Variants in SPHKAP observed in about 807,000 individuals in gnomAD.
The protein encoded by SPHKAP is A-kinase anchor protein SPHKAP.
Under a neutral mutation model 137.5 loss-of-function variants are expected in SPHKAP, and 67 were observed. That is an observed-to-expected ratio of 0.49 (90% CI 0.40 to 0.60). The LOEUF (loss-of-function observed/expected upper bound fraction) is 0.60, where lower values mean the gene tolerates loss of function less well. Among genes scored for constraint, SPHKAP ranks in the 20% least tolerant of loss-of-function variants. SPHKAP has a pLI of 0.00. For missense variants in SPHKAP, 2,097 were observed against 2,069.3 expected, an observed-to-expected ratio of 1.01 and a Z score of -0.26; for synonymous variants, 813 against 785.3, an observed-to-expected ratio of 1.04 and a Z score of -0.59.
chr2:228,017,113 G>A lies in SPHKAP; in HGVS notation c.3741C>T (p.Ser1247=), dbSNP rs1395270727. The change falls in exon 7 of 12, where the codon TCC becomes TCT. Residue 1247 remains serine (S), a synonymous_variant. Coordinates refer to ENST00000392056, the MANE Select transcript of SPHKAP (RefSeq NM_001142644.2). ...SSMPDSRSPC[S]RLTVNVPIKA... ...TGATGGGCACATTCACTGTCAGCCT[G>A]GAGCATGGGGATCTGCTGTCTGGCA... is the stretch of plus-strand genomic sequence containing the variant. The A allele has an allele frequency of 6.2e-7, 1 of 1,613,946 alleles. No homozygotes were observed. Among genetic ancestry groups the A allele is most frequent in the Non-Finnish European group, 8.5e-7 (1 of 1,180,036 alleles).
intron 1 of SPHKAP, among the ~76,000 whole-genome samples, chr2:228,149,642 G>A (rs1699871469): frequency 6.6e-6 from 1 of 152,086 alleles, no homozygotes; most frequent in Non-Finnish European, 1.5e-5. Context: ...TCTCTGGAAA[G>A]GTCTTGCATG....
chr2:227,985,324 G>A (rs1216677518), intron 11 of SPHKAP, among the ~76,000 whole-genome samples: 1 of 152,134 alleles, frequency 6.6e-6, no homozygotes, highest in African/African-American at 2.4e-5. Context: ...CATCTTTGGG[G>A]CTGATGAGCA....
intron 2 of SPHKAP, among the ~76,000 whole-genome samples, chr2:228,123,605 C>T (rs942407722): frequency 6.6e-6 from 1 of 152,168 alleles, no homozygotes; most frequent in African/African-American, 2.4e-5. Context: ...GAAAGTACTT[C>T]TTAGCTTCTC....
chr2:228,173,682 C>CG (rs1469960456), intron 1 of SPHKAP, among the ~76,000 whole-genome samples: 1 of 152,054 alleles, frequency 6.6e-6, no homozygotes, highest in African/African-American at 2.4e-5. Flanking sequence ...GCAGCCCTGG[C>CG]GGCACCTTGA....
chr2:228,081,797 G>A (rs1421158823), intron 3 of SPHKAP, among the ~76,000 whole-genome samples: 1 of 152,146 alleles, frequency 6.6e-6, no homozygotes, highest in African/African-American at 2.4e-5. Flanking sequence ...GAGAATGAGG[G>A]TGGGGTTGAG....
chr2:228,114,695 C>A (rs1034540855), intron 2 of SPHKAP, among the ~76,000 whole-genome samples: 1 of 152,032 alleles, frequency 6.6e-6, no homozygotes, highest in Non-Finnish European at 1.5e-5. Flanking sequence ...TCTGTTTCAT[C>A]GAACATTTTC....
chr2:228,061,193 A>C (rs1349479288), intron 3 of SPHKAP, among the ~76,000 whole-genome samples: 1 of 152,198 alleles, frequency 6.6e-6, no homozygotes, highest in Non-Finnish European at 1.5e-5. Context: ...TACGTGAGGG[A>C]TGGCAGGATC....
At chr2:228,031,636 C>T (rs928422890) in intron 3 of SPHKAP, among the ~76,000 whole-genome samples, 2 of 152,214 alleles carry the variant, frequency 1.3e-5, no homozygotes, top group Non-Finnish European at 2.9e-5. Context: ...CAGACTGACA[C>T]CTCACACGGC....
chr2:228,090,573 T>C (rs189776063), intron 3 of SPHKAP, among the ~76,000 whole-genome samples: 49 of 152,288 alleles, frequency 3.2e-4, no homozygotes, highest in African/African-American at 1.1e-3. Flanking sequence ...TGATATAGTT[T>C]GGATGTTTAT....
chr2:228,056,077 T>C (rs1377070955), intron 3 of SPHKAP, among the ~76,000 whole-genome samples: 1 of 152,248 alleles, frequency 6.6e-6, no homozygotes, highest in Non-Finnish European at 1.5e-5. Context: ...GACCTTCTCT[T>C]AAGTGCTATG....
Position 228,016,815 on chromosome 2 carries a change from A to C in SPHKAP, c.4039T>G (p.Cys1347Gly), listed in dbSNP as rs141269145. Residue 1347 changes from cysteine (C) to glycine (G), a missense_variant, in exon 7 of 12, where the codon TGT becomes GGT. Transcript: ENST00000392056. ...CTGCTCGCAGCTAATCTATTTGCAC[A>C]CTTCTCTGCTTGCGAGGGAGAGCCA... ...SGGSPSQAEK[C>G]ANRLAASRMC... 4 of 1,613,836 alleles carry C rather than the reference A, an allele frequency of 2.5e-6. No homozygotes were observed. The highest frequency in any genetic ancestry group is 2.2e-5 in the South Asian group (2 of 91,070).
chr2:228,153,169 G>T (rs1156967604), intron 1 of SPHKAP, among the ~76,000 whole-genome samples: 1 of 152,040 alleles, frequency 6.6e-6, no homozygotes, highest in Non-Finnish European at 1.5e-5. Context: ...CCAGTCTCAG[G>T]TGTGTCTTTA....
intron 1 of SPHKAP, among the ~76,000 whole-genome samples, chr2:228,177,961 T>C (rs1336011941): frequency 2.0e-5 from 3 of 152,166 alleles, no homozygotes; most frequent in Non-Finnish European, 4.4e-5. Flanking sequence ...ACAATGCAAA[T>C]GTTTAGAAAA....
At chr2:228,055,141 C>CAAAAAAAAAAA (rs1559149608) in intron 3 of SPHKAP, among the ~76,000 whole-genome samples, 4 of 111,892 alleles carry the variant, frequency 3.6e-5, no homozygotes, top group African/African-American at 1.4e-4. Flanking sequence ...AAACTCCACT[C>CAAAAAAAAAAA]CAAAAAAAAA....
intron 1 of SPHKAP, among the ~76,000 whole-genome samples, chr2:228,141,059 T>C (rs1043328978): frequency 3.9e-5 from 6 of 152,208 alleles, no homozygotes; most frequent in Non-Finnish European, 8.8e-5. Context: ...AAGATTTCAG[T>C]TGCTGCTCTA....
intron 11 of SPHKAP, chr2:227,990,793 A>T: frequency 1.8e-6 from 1 of 553,908 alleles, no homozygotes; most frequent in Non-Finnish European, 3.1e-6. Context: ...ACCACCTACT[A>T]GCCAAGACAA....
intron 3 of SPHKAP, among the ~76,000 whole-genome samples, chr2:228,032,198 G>GTCCTTAA (rs1695357676): frequency 6.6e-6 from 1 of 152,188 alleles, no homozygotes; most frequent in Admixed American, 6.5e-5. Context: ...GGAGCTGATG[G>GTCCTTAA]AGCTGAAAGC....
intron 7 of SPHKAP, among the ~76,000 whole-genome samples, chr2:228,011,398 A>G (rs1195930578): frequency 6.6e-6 from 1 of 152,202 alleles, no homozygotes; most frequent in Non-Finnish European, 1.5e-5. Context: ...TTAGAAAATG[A>G]ATTTTTAGGC....
intron 2 of SPHKAP, among the ~76,000 whole-genome samples, chr2:228,111,060 A>G (rs879538906): frequency 6.6e-6 from 1 of 152,146 alleles, no homozygotes; most frequent in Non-Finnish European, 1.5e-5. Flanking sequence ...TTAGAGTGCA[A>G]AAGAATTTTG....
Sources: gnomAD v4.1 joint callset for allele counts (sites outside exome capture counted in the v4.1 genomes callset) on GRCh38, gnomAD v4.1.1 for gene constraint, MANE v1.5 for transcripts, NCBI Gene and HGNC (gene_info 2026-07-23, HGNC 2026-07-21) for gene names.